The following SLIT3 variants were observed in gnomAD, a reference collection of about 807,000 sequenced individuals.
SLIT3 encodes the protein slit homolog 3 protein.
In SLIT3, 68 loss-of-function variants were observed where a neutral mutation model predicts 184.0. The observed-to-expected ratio is 0.37, with a 90% CI of 0.30 to 0.45. The LOEUF (loss-of-function observed/expected upper bound fraction) is 0.45. Ranked by LOEUF, SLIT3 falls within the 20% of genes least tolerant of loss-of-function variation. SLIT3 has a pLI of 1.00. For missense variants in SLIT3, 1,707 were observed against 2,026.0 expected (o/e 0.84, Z 3.02); for synonymous variants, 831 against 828.6 (o/e 1.00, Z -0.05).
intron 4 of SLIT3, among the ~76,000 whole-genome samples, chr5:169,035,757 G>T (rs1757220649): frequency 6.6e-6 from 1 of 152,100 alleles, no homozygotes; most frequent in South Asian, 2.1e-4. Context: ...GCCCAGAGAG[G>T]TACAGTCACT....
chr5:168,765,282 G>A (rs1210358431), intron 14 of SLIT3, among the ~76,000 whole-genome samples: 2 of 152,192 alleles, frequency 1.3e-5, no homozygotes, highest in Non-Finnish European at 2.9e-5. Flanking sequence ...ATTATAACTG[G>A]TGGACCTCTG....
intron 4 of SLIT3, among the ~76,000 whole-genome samples, chr5:168,919,637 A>T (rs943642490): frequency 7.9e-5 from 12 of 152,004 alleles, no homozygotes; most frequent in Admixed American, 2.6e-4. Flanking sequence ...GTAATATGTA[A>T]TTTTTTTAAA....
At chr5:168,775,206 T>A (rs1040784682) in intron 12 of SLIT3, among the ~76,000 whole-genome samples, 1 of 151,666 alleles carries the variant, frequency 6.6e-6, no homozygotes, top group African/African-American at 2.4e-5. Context: ...CCCAGCTAAT[T>A]TTTGTATTTT....
chr5:168,761,100 T>C (rs1174615649), intron 15 of SLIT3, among the ~76,000 whole-genome samples, 164 bp from the exon 16 acceptor site: 1 of 152,070 alleles, frequency 6.6e-6, no homozygotes, highest in Admixed American at 6.6e-5. Flanking sequence ...GCCCAGCAGT[T>C]TGGGGAGGCA....
intron 5 of SLIT3, among the ~76,000 whole-genome samples, chr5:168,847,507 A>T (rs1758513241): frequency 6.6e-6 from 1 of 152,188 alleles, no homozygotes; most frequent in South Asian, 2.1e-4. Context: ...TCTCCATGGC[A>T]CCGAGCATCA....
intron 4 of SLIT3, among the ~76,000 whole-genome samples, chr5:169,159,788 A>G (rs1227360119): frequency 1.3e-5 from 2 of 152,102 alleles, no homozygotes; most frequent in Admixed American, 1.3e-4. Flanking sequence ...AAACAAACAA[A>G]CAAAAAAAAG....
chr5:169,092,082 G>C (rs1012088153), intron 4 of SLIT3, among the ~76,000 whole-genome samples: 1 of 152,192 alleles, frequency 6.6e-6, no homozygotes, highest in Non-Finnish European at 1.5e-5. Context: ...AATTAGCCAG[G>C]CGTGGTGGCA....
At chr5:169,087,761 A>C (rs771719405) in intron 4 of SLIT3, among the ~76,000 whole-genome samples, 1 of 152,242 alleles carries the variant, frequency 6.6e-6, no homozygotes, top group East Asian at 1.9e-4. Flanking sequence ...ATTAAAAGGA[A>C]ATAGGCCAAA....
At chr5:168,967,584 C>T (rs1394560828) in intron 4 of SLIT3, among the ~76,000 whole-genome samples, 10 of 142,412 alleles carry the variant, frequency 7.0e-5, no homozygotes, top group African/African-American at 2.5e-4. Flanking sequence ...GGACTACAGG[C>T]GCCCGCCACT....
intron 4 of SLIT3, among the ~76,000 whole-genome samples, chr5:169,113,308 G>A (rs1011465036): frequency 2.6e-5 from 4 of 152,056 alleles, no homozygotes; most frequent in South Asian, 2.1e-4. Context: ...TCACATAAAC[G>A]GAATCATATA....
intron 26 of SLIT3, among the ~76,000 whole-genome samples, chr5:168,703,589 C>T (rs1356755526): frequency 1.3e-5 from 2 of 152,050 alleles, no homozygotes; most frequent in East Asian, 3.9e-4. Context: ...GCCCACCACC[C>T]TAGTTCCGTG....
chr5:168,830,287 C>T lies in SLIT3; in HGVS notation c.558-6956G>A, dbSNP rs996556588. ...CATCCTCAGCACCTCCTCCTAAGTA[C>T]GCTATCATTTTTAAGTGAAACTCCC... On this transcript the variant is annotated intron_variant, in intron 6 of 35. Coordinates refer to ENST00000519560, the MANE Select transcript of SLIT3 (RefSeq NM_003062.4). Among the ~76,000 whole-genome samples, 13 of 152,268 alleles carry T rather than the reference C, an allele frequency of 8.5e-5. No homozygotes were observed. The South Asian group carries it at 1.7e-3, about 19-fold the overall frequency.
intron 4 of SLIT3, among the ~76,000 whole-genome samples, chr5:169,102,726 T>C (rs1760065087): frequency 6.6e-6 from 1 of 152,152 alleles, no homozygotes; most frequent in Non-Finnish European, 1.5e-5. Context: ...TTGGCTCACA[T>C]GATTTTCAAG....
intron 4 of SLIT3, among the ~76,000 whole-genome samples, chr5:168,960,824 G>A (rs1246252611): frequency 6.6e-6 from 1 of 152,226 alleles, no homozygotes; most frequent in East Asian, 1.9e-4. Flanking sequence ...AGAACCTAAA[G>A]CTGGAGCTTT....
chr5:169,054,685 T>C (rs1269761562), intron 4 of SLIT3, among the ~76,000 whole-genome samples: 1 of 152,172 alleles, frequency 6.6e-6, no homozygotes, highest in African/African-American at 2.4e-5. Flanking sequence ...CGTCTGCCTC[T>C]CCTACAGGGA....
intron 32 of SLIT3, among the ~76,000 whole-genome samples, chr5:168,680,943 G>A (rs1369681851): frequency 6.6e-6 from 1 of 152,170 alleles, no homozygotes; most frequent in Non-Finnish European, 1.5e-5. Flanking sequence ...TTCAGCCCAG[G>A]AGTTCAAGAC....
chr5:169,145,099 G>T (rs1761883154), intron 4 of SLIT3, among the ~76,000 whole-genome samples: 1 of 152,166 alleles, frequency 6.6e-6, no homozygotes, highest in Non-Finnish European at 1.5e-5. Context: ...ACACACATTT[G>T]TTCAAGGTGC....
intron 23 of SLIT3, among the ~76,000 whole-genome samples, chr5:168,718,749 TTC>T (rs990029456): frequency 7.2e-5 from 6 of 83,764 alleles, no homozygotes; most frequent in African/African-American, 1.6e-4. Context: ...CTCTCTCTCT[TTC>T]TCTCTCTCTC....
chr5:168,991,663 G>A lies in SLIT3; in HGVS notation c.414-108327C>T, dbSNP rs181386021. The stretch of plus-strand genomic sequence containing the variant: ...GGAAAGCCTCCCCCTTCTCTCAGAG[G>A]TTTTGCTCAGGATCCCCAGGAAAAT... On this transcript the variant is annotated intron_variant, in intron 4 of 35. Transcript: ENST00000519560. 3.3e-3 allele frequency among the ~76,000 whole-genome samples: 503 copies of A among 152,360 alleles called. 1 individual carries two copies. The highest frequency in any genetic ancestry group is 5.6e-3 in the Non-Finnish European group (381 of 68,040).
Sources: gnomAD v4.1 joint callset for allele counts (sites outside exome capture counted in the v4.1 genomes callset) on GRCh38, gnomAD v4.1.1 for gene constraint, MANE v1.5 for transcripts, NCBI Gene and HGNC (gene_info 2026-07-23, HGNC 2026-07-21) for gene names.